Variants in ZC3H12D observed in about 807,000 individuals in gnomAD.
ZC3H12D encodes zinc finger CCCH-type containing 12D.
ZC3H12D carries 11 observed loss-of-function variants against 24.2 expected under a neutral mutation model. The ratio of observed to expected loss-of-function variants is 0.46; its 90% CI spans 0.29 to 0.75. The LOEUF (loss-of-function observed/expected upper bound fraction) is 0.75. Among genes scored for constraint, ZC3H12D ranks in the 30% least tolerant of loss-of-function variants. The pLI, the probability that ZC3H12D is intolerant of heterozygous loss-of-function variation, is 0.11. For missense variants in ZC3H12D, 740 were observed against 767.7 expected (o/e 0.96, Z 0.43); for synonymous variants, 333 against 341.8 (o/e 0.97, Z 0.28).
chr6:149,452,517 A>G lies in ZC3H12D; in HGVS notation c.787+99T>C. On this transcript the variant is annotated intron_variant, in intron 5 of 5. Transcript: ENST00000409806. The surrounding 1 kb of genome is among the most constrained non-coding windows in gnomAD (Gnocchi z 4.0). ...GAGGGCAGAACTTGGGCAAGAGCCC[A>G]GGCCGCTGAGCACCAGGCCAGCGCT... 2.0e-6 allele frequency: 2 copies of G among 1,025,172 alleles called. No homozygotes were observed. The highest frequency in any genetic ancestry group is 2.7e-6 in the Non-Finnish European group (2 of 746,232). The allele number at this position is 1,025,172 out of a possible 1,614,324, so 63.5% of individuals were successfully genotyped here. A position where few individuals can be genotyped will look rare whatever the true frequency, so the allele number is the denominator to read the frequency against.
chr6:149,466,319 G>T (rs1583188900), intron 2 of ZC3H12D, among the ~76,000 whole-genome samples: 1 of 150,814 alleles, frequency 6.6e-6, no homozygotes, highest in Non-Finnish European at 1.5e-5. Flanking sequence ...AGCCTGAGTC[G>T]CCCAGGAGAC....
At chr6:149,461,309 C>T (rs1776068355) in intron 3 of ZC3H12D, among the ~76,000 whole-genome samples, 1 of 150,568 alleles carries the variant, frequency 6.6e-6, no homozygotes, top group African/African-American at 2.5e-5. Flanking sequence ...CCACTGCACT[C>T]CAGCTTGGCG....
At chr6:149,467,256 T>A (rs1452947155) in intron 2 of ZC3H12D, among the ~76,000 whole-genome samples, 1 of 150,208 alleles carries the variant, frequency 6.7e-6, no homozygotes, top group Non-Finnish European at 1.5e-5. Context: ...TTGGAGCTCT[T>A]TTTTTTTTAT....
intron 4 of ZC3H12D, among the ~76,000 whole-genome samples, chr6:149,455,953 T>TAAAAAA (rs1278081469): frequency 1.6e-5 from 2 of 125,914 alleles, no homozygotes; most frequent in African/African-American, 6.9e-5. Flanking sequence ...AAATTTTGAT[T>TAAAAAA]TAAAAAAAAA....
At position 149,447,424 on chromosome 6, in the gene ZC3H12D, T is replaced by C. The variant is rs1418746555; in HGVS notation, c.*3259A>G. 6.6e-6 allele frequency: 1 copy of C among 152,128 alleles called. No homozygotes were observed. The highest frequency in any genetic ancestry group is 2.4e-5 in the African/African-American group (1 of 41,422). The allele number at this position is 152,128 out of a possible 1,614,324, so 9.4% of individuals were successfully genotyped here. On this transcript the variant is annotated 3_prime_UTR_variant, in exon 6 of 6. Transcript: ENST00000409806. ...GCCCCACCACGGACCCAGCTAATTT[T>C]TGTATTTTTAGTAGAGACAGGGTCT... is the stretch of plus-strand genomic sequence containing the variant.
chr6:149,464,140 G>A lies in ZC3H12D; in HGVS notation c.306-2170C>T, dbSNP rs73617974. Reference sequence around the variant, plus strand: ...GCAGCCTGGGCTGGAGGAACTCTGCGACTTCGCAGCTGGTTATAGGTAGAG... The same window carrying A: ...GCAGCCTGGGCTGGAGGAACTCTGCAACTTCGCAGCTGGTTATAGGTAGAG... On this transcript the variant is annotated intron_variant, in intron 2 of 5. Coordinates refer to ENST00000409806, the MANE Select transcript of ZC3H12D (RefSeq NM_207360.3). Among the ~76,000 whole-genome samples, 1,241 of 152,296 alleles carry A rather than the reference G, an allele frequency of 8.1e-3. 14 individuals carry two copies. The highest frequency in any genetic ancestry group is 0.028 in the African/African-American group (1,157 of 41,548).
intron 1 of ZC3H12D, among the ~76,000 whole-genome samples, chr6:149,479,816 G>A (rs1776396942): frequency 6.6e-6 from 1 of 152,148 alleles, no homozygotes; most frequent in Non-Finnish European, 1.5e-5. Context: ...AGGACCACAG[G>A]TGTATGCCAC....
rs1315556159 is a variant in ZC3H12D, at chr6:149,450,673, T to G, written c.*10A>C. ...GGCTGGGCCATTCCCTGCAAGTGCG[T>G]GTTGGTCCCTTAGGGCTTGCCCAGG... On this transcript the variant is annotated 3_prime_UTR_variant, in exon 6 of 6. Coordinates refer to ENST00000409806, the MANE Select transcript of ZC3H12D (RefSeq NM_207360.3). 3 of 1,510,898 alleles carry G rather than the reference T, an allele frequency of 2.0e-6. No homozygotes were observed. The highest frequency in any genetic ancestry group is 2.7e-6 in the Non-Finnish European group (3 of 1,126,340). 93.6% of individuals were successfully genotyped at this position (1,510,898 alleles called of 1,614,324 possible).
In ZC3H12D at chr6:149,469,476, C is replaced by T. The variant is rs544942763; in HGVS notation, c.305+4763G>A. Among the ~76,000 whole-genome samples the T allele has an allele frequency of 2.0e-5, 3 of 152,036 alleles. No homozygotes were observed. In the South Asian group the frequency reaches 6.2e-4, roughly 32 times the overall value. ...CCATCTCAAAAAAAAAAAGAAAATG[C>T]TGCAACTGTTGGCTCGTGAGAATTC... On this transcript the variant is annotated intron_variant, in intron 2 of 5. Coordinates refer to ENST00000409806, the MANE Select transcript of ZC3H12D (RefSeq NM_207360.3).
At chr6:149,472,841 G>A (rs534223632) in intron 2 of ZC3H12D, among the ~76,000 whole-genome samples, 11 of 152,282 alleles carry the variant, frequency 7.2e-5, no homozygotes, top group African/African-American at 2.6e-4. Context: ...TTCTATGGAA[G>A]CCCAGGGAAA....
intron 1 of ZC3H12D, among the ~76,000 whole-genome samples, chr6:149,475,208 C>T (rs114511376): frequency 0.015 from 2,345 of 151,498 alleles, 53 homozygotes; most frequent in African/African-American, 0.053. Context: ...CTTAACGCCC[C>T]AGTCTGTGGT....
At chr6:149,467,254 C>CT (rs58745701) in intron 2 of ZC3H12D, among the ~76,000 whole-genome samples, 6,696 of 149,616 alleles carry the variant, frequency 0.045, 346 homozygotes, top group African/African-American at 0.12. Flanking sequence ...TCTTGGAGCT[C>CT]TTTTTTTTTT....
intron 1 of ZC3H12D, among the ~76,000 whole-genome samples, chr6:149,480,893 G>A (rs555939416): frequency 6.7e-6 from 1 of 149,198 alleles, no homozygotes; most frequent in East Asian, 1.9e-4. Context: ...CACACTCCAC[G>A]CCATCATCAC....
At position 149,450,965 on chromosome 6, in the gene ZC3H12D, G is replaced by C. The variant is rs752544050; in HGVS notation, c.1302C>G (p.Asp434Glu). The change falls in exon 6 of 6, where the codon GAC (aspartate) becomes GAG (glutamate). Residue 434 changes from aspartate (D) to glutamate (E), a missense_variant. Transcript: ENST00000409806. Reference protein sequence around the residue: ...GDLLSPRRPPDDPWARPPRSD... With the variant: ...GDLLSPRRPPEDPWARPPRSD... ...AGCGGGGTGGACGGGCCCACGGGTC[G>C]TCGGGTGGCCTGCGCGGGGAAAGCA... 1.3e-4 allele frequency: 196 copies of C among 1,525,498 alleles called. 1 individual carries two copies. The highest frequency in any genetic ancestry group is 1.6e-4 in the Non-Finnish European group (186 of 1,138,626). 94.5% of individuals were successfully genotyped at this position (1,525,498 alleles called of 1,614,324 possible). A position where few individuals can be genotyped will look rare whatever the true frequency, so the allele number is the denominator to read the frequency against.
At chr6:149,474,742 A>T in intron 1 of ZC3H12D, 129 bp from the exon 2 acceptor site, 1 of 438,810 alleles carries the variant, frequency 2.3e-6, no homozygotes, top group East Asian at 3.4e-5. Flanking sequence ...CCCACTGGGG[A>T]CTTTCAGTTG....
intron 2 of ZC3H12D, among the ~76,000 whole-genome samples, chr6:149,462,628 G>C (rs1026359809): frequency 3.3e-5 from 5 of 152,228 alleles, no homozygotes; most frequent in African/African-American, 1.2e-4. Context: ...ATTTGAGTCA[G>C]TGGACTGGGA....
At chr6:149,457,271 A>T (rs577677785) in intron 3 of ZC3H12D, among the ~76,000 whole-genome samples, 1 of 152,304 alleles carries the variant, frequency 6.6e-6, no homozygotes, top group African/African-American at 2.4e-5. Flanking sequence ...CTCCTGGAGA[A>T]AGACATTCCT....
chr6:149,464,883 G>T (rs1370400414), intron 2 of ZC3H12D, among the ~76,000 whole-genome samples: 1 of 152,104 alleles, frequency 6.6e-6, no homozygotes, highest in African/African-American at 2.4e-5. Flanking sequence ...TAAAGGGAGG[G>T]GCAAGGATAA....
intron 2 of ZC3H12D, among the ~76,000 whole-genome samples, chr6:149,465,540 G>T (rs983670628): frequency 3.3e-5 from 5 of 152,038 alleles, no homozygotes; most frequent in African/African-American, 1.2e-4. Context: ...GGATCACGAG[G>T]TCAGGAGATC....
Sources: allele counts gnomAD v4.1 joint callset (sites outside exome capture counted in the v4.1 genomes callset), GRCh38; gene constraint gnomAD v4.1.1; non-coding constraint Gnocchi (gnomAD v3.1); transcripts MANE v1.5; gene names NCBI Gene and HGNC (gene_info 2026-07-23, HGNC 2026-07-21).